TRANK1: variants seen among roughly 807,000 people sequenced by gnomAD.
TRANK1 encodes TPR and ankyrin repeat-containing protein 1.
In TRANK1, 198 loss-of-function variants were observed where a neutral mutation model predicts 266.0. The observed-to-expected ratio is 0.74, with a 90% CI of 0.66 to 0.84. TRANK1 has a LOEUF of 0.84. TRANK1 is among the 40% of genes least tolerant of loss of function. TRANK1 has a pLI of 0.00. For synonymous variants in TRANK1, 1,396 were observed against 1,384.1 expected (o/e 1.01, Z -0.19); for missense variants, 3,326 against 3,634.6 (o/e 0.92, Z 2.18).
chr3:36,845,457 C>A (rs2078902184), intron 17 of TRANK1, among the ~76,000 whole-genome samples: 2 of 152,138 alleles, frequency 1.3e-5, no homozygotes, highest in South Asian at 4.1e-4. Context: ...TCTTGTTAAA[C>A]AAACTCAGGA....
intron 8 of TRANK1, among the ~76,000 whole-genome samples, chr3:36,887,460 C>T (rs1214990326): frequency 6.6e-6 from 1 of 152,084 alleles, no homozygotes; most frequent in Non-Finnish European, 1.5e-5. Flanking sequence ...TAATAACGTC[C>T]CACCACACAT....
intron 17 of TRANK1, among the ~76,000 whole-genome samples, chr3:36,843,935 G>T (rs558642977): frequency 6.6e-6 from 1 of 152,028 alleles, no homozygotes; most frequent in Non-Finnish European, 1.5e-5. Context: ...TAATTCCCAC[G>T]GCAAAACCCC....
In TRANK1 at chr3:36,861,122, A is replaced by T. The variant is rs2125552640; in HGVS notation, c.1279T>A (p.Cys427Ser). The T allele has an allele frequency of 2.0e-6, 3 of 1,537,402 alleles. No individual in the cohort carries two copies. Among genetic ancestry groups the T allele is most frequent in the East Asian group, 2.4e-5 (1 of 40,918 alleles). Residue 427 changes from cysteine (C) to serine (S), a missense_variant, in exon 11 of 24, where the codon TGT becomes AGT. By Grantham distance (112) the Cys-to-Ser change is moderately radical. Transcript: ENST00000645898. ...PDLVCDINQD[C>S]ATTVFKFLLE... is the part of the protein sequence containing the mutation. ...AAGAATTTGAAGACGGTGGTGGCAC[A>T]GTCTTGATTAATATCACAGACCAGG...
At chr3:36,894,547 C>T (rs1215237188) in intron 5 of TRANK1, among the ~76,000 whole-genome samples, 1 of 152,152 alleles carries the variant, frequency 6.6e-6, no homozygotes, top group Non-Finnish European at 1.5e-5. Context: ...GCTGCCTGCC[C>T]TCCCAAGATT....
intron 1 of TRANK1, among the ~76,000 whole-genome samples, chr3:36,909,306 C>G (rs948134458): frequency 1.3e-5 from 2 of 152,168 alleles, no homozygotes; most frequent in Admixed American, 6.5e-5. Flanking sequence ...ACGCACATTA[C>G]TGATTTTCTC....
rs1214419141 is a variant in TRANK1 at position 36,838,619 on chromosome 3, C to A, written c.5378G>T (p.Ser1793Ile). 2 of 1,613,928 alleles carry A rather than the reference C, an allele frequency of 1.2e-6. No individual in the cohort carries two copies. Among genetic ancestry groups the A allele is most frequent in the Admixed American group, 1.7e-5 (1 of 60,022 alleles). The change falls in exon 19 of 24, where the codon AGC becomes ATC. Residue 1793 changes from serine (S) to isoleucine (I), a missense_variant. Transcript: ENST00000645898. The part of the protein sequence containing the change: ...TALSMKSKKV[S>I]PKEKQLEYLE... ...GTGATCCCAAGACTCTTACTTGGGG[C>A]TGACTTTCTTGGATTTCATGCTCAG... is the stretch of plus-strand genomic sequence containing the variant.
intron 5 of TRANK1, among the ~76,000 whole-genome samples, chr3:36,893,752 G>A (rs2079745332): frequency 6.6e-6 from 1 of 152,196 alleles, no homozygotes; most frequent in Non-Finnish European, 1.5e-5. Flanking sequence ...TCCCGGCTCT[G>A]TTATGACCAT....
intron 17 of TRANK1, 77 bp from the exon 18 acceptor site, chr3:36,842,787 A>C: frequency 8.0e-7 from 1 of 1,247,884 alleles, no homozygotes; most frequent in South Asian, 1.3e-5. Flanking sequence ...GCTGAGTTGC[A>C]TCTCCTCCGC....
intron 1 of TRANK1, among the ~76,000 whole-genome samples, chr3:36,936,827 C>T (rs1042301863): frequency 1.3e-5 from 2 of 152,074 alleles, no homozygotes; most frequent in Non-Finnish European, 2.9e-5. Flanking sequence ...GACAGGACGG[C>T]ATGATGGCTC....
chr3:36,844,438 G>C, intron 17 of TRANK1, among the ~76,000 whole-genome samples: 1 of 152,154 alleles, frequency 6.6e-6, no homozygotes, highest in South Asian at 2.1e-4. Flanking sequence ...TGTTGGTCAG[G>C]CTGGTCTTGA....
chr3:36,912,350 A>G (rs1188658147), intron 1 of TRANK1, among the ~76,000 whole-genome samples: 1 of 152,186 alleles, frequency 6.6e-6, no homozygotes, highest in Non-Finnish European at 1.5e-5. Flanking sequence ...TAAGAGCCAA[A>G]CTACACTCTG....
In TRANK1 at chr3:36,832,741, A is replaced by C. The variant is rs3796185; in HGVS notation, c.6842T>G (p.Val2281Gly). 15 of 1,613,728 alleles carry C rather than the reference A, an allele frequency of 9.3e-6. No individual in the cohort carries two copies. Among genetic ancestry groups the C allele is most frequent in the Non-Finnish European group, 1.3e-5 (15 of 1,179,888 alleles). The stretch of plus-strand genomic sequence containing the variant: ...GCATGCCATGGGGTTTTCTGACAAC[A>C]CTCTCTGATGGAAATGCTTAGGGAA... ...VLFPKHFHQR[V>G]LSENPMACKE... Residue 2281 changes from valine to glycine, a missense_variant, in exon 22 of 24, where the codon GTG becomes GGG. Val to Gly is a moderately radical substitution (Grantham distance 109). Transcript: ENST00000645898.
rs768240193 is a variant in TRANK1 at position 36,851,741 on chromosome 3, T to C, written c.4865A>G (p.Tyr1622Cys). 1.2e-6 allele frequency: 2 copies of C among 1,612,926 alleles called. No homozygotes were observed. The highest frequency in any genetic ancestry group is 1.1e-5 in the South Asian group (1 of 90,702). The stretch of plus-strand genomic sequence containing the variant: ...TACCTCAGAATCAGTAAAAAAGTTG[T>C]AAAGGAGGACATCATCAAATTCTAA... ...KGLEFDDVLL[Y>C]NFFTDSEAYK... The change falls in exon 15 of 24, where the codon TAC (tyrosine) becomes TGC (cysteine). Residue 1622 changes from tyrosine (Y) to cysteine (C), a missense_variant. Transcript: ENST00000645898.
rs2078914056 is a variant in TRANK1 at position 36,846,348 on chromosome 3, G to T, written c.5091C>A (p.Asn1697Lys). 3 of 1,613,744 alleles carry T rather than the reference G, an allele frequency of 1.9e-6. No homozygotes were observed. The highest frequency in any genetic ancestry group is 1.1e-5 in the South Asian group (1 of 91,072). The change falls in exon 17 of 24, where the codon AAC becomes AAA. Residue 1697 changes from asparagine (N) to lysine (K), a missense_variant. By Grantham distance (94) the Asn-to-Lys change is moderately conservative. Transcript: ENST00000645898. ...LYTAITRARV[N>K]LWIFDENREK... ...CTCGGTTTTCATCAAAGATCCAGAG[G>T]TTGACCCGAGCCCGTGTGATGGCGG...
intron 1 of TRANK1, among the ~76,000 whole-genome samples, chr3:36,925,344 A>T (rs2125655132): frequency 6.6e-6 from 1 of 152,338 alleles, no homozygotes; most frequent in East Asian, 1.9e-4. Flanking sequence ...CCTGCACCAT[A>T]GGGTTAAGTA....
chr3:36,939,668 T>G (rs2080470147), intron 1 of TRANK1, among the ~76,000 whole-genome samples: 1 of 152,200 alleles, frequency 6.6e-6, no homozygotes. Context: ...TACCAGGTAC[T>G]CTGTCTGCCA....
At chr3:36,935,269 T>G (rs2080409047) in intron 1 of TRANK1, among the ~76,000 whole-genome samples, 1 of 152,056 alleles carries the variant, frequency 6.6e-6, no homozygotes, top group African/African-American at 2.4e-5. Context: ...TTAACACACC[T>G]CTATAAGGTC....
At chr3:36,895,404 T>A (rs2079774007) in intron 5 of TRANK1, among the ~76,000 whole-genome samples, 1 of 152,248 alleles carries the variant, frequency 6.6e-6, no homozygotes, top group Non-Finnish European at 1.5e-5. Context: ...GTACTTTACA[T>A]TTCTTTGATG....
At chr3:36,884,380 C>T (rs991025856) in intron 8 of TRANK1, among the ~76,000 whole-genome samples, 4 of 152,136 alleles carry the variant, frequency 2.6e-5, no homozygotes, top group Admixed American at 2.6e-4. Flanking sequence ...AGGGCTGGGA[C>T]AGGGACCACG....
Sources: allele counts gnomAD v4.1 joint callset (sites outside exome capture counted in the v4.1 genomes callset), GRCh38; gene constraint gnomAD v4.1.1; transcripts MANE v1.5; gene names NCBI Gene and HGNC (gene_info 2026-07-23, HGNC 2026-07-21).